ZNF324: variants seen among roughly 807,000 people sequenced by gnomAD.
ZNF324 encodes zinc finger protein 324A.
Under a neutral mutation model 10.3 loss-of-function variants are expected in ZNF324, and 3 were observed. The ratio of observed to expected loss-of-function variants is 0.29; its 90% CI spans 0.13 to 0.75. ZNF324 has a LOEUF of 0.75. ZNF324 is among the 30% of genes least tolerant of loss of function. The pLI, the probability that ZNF324 is intolerant of heterozygous loss-of-function variation, is 0.69. For synonymous variants in ZNF324, 430 were observed against 339.5 expected (o/e 1.27, Z -2.93); for missense variants, 763 against 784.4 (o/e 0.97, Z 0.33).
chr19:58,469,434 G>C, intron 2 of ZNF324, 128 bp downstream of exon 2: 3 of 1,287,912 alleles, frequency 2.3e-6, no homozygotes, highest in African/African-American at 1.5e-5. Context: ...GTGGAATAGG[G>C]GTCTGGTCCT....
intron 1 of ZNF324, among the ~76,000 whole-genome samples, chr19:58,467,926 G>T (rs1034554647): frequency 1.8e-4 from 28 of 151,944 alleles, no homozygotes; most frequent in Non-Finnish European, 3.5e-4. Context: ...TCCACCGTTT[G>T]TTGCGTGGAG....
Position 58,472,141 on chromosome 19 carries a change from C to T in ZNF324, c.1649C>T (p.Pro550Leu). ...TCGGGCCCAGCCGCCGTCTCGCAGC[C>T]AGCGGAGGTCTGAGGTCACAGGTTG... ...PASGPAAVSQ[P>L]AEV The change falls in exon 4 of 4, where the codon CCA becomes CTA. Residue 550 changes from proline (P) to leucine (L), a missense_variant. Physicochemically the swap from Pro to Leu is moderately conservative, Grantham distance 98. Around this residue, in one of 3 missense-constraint regions of ZNF324, gnomAD observed 231 missense variants for 196.0 expected, o/e 1.18. Transcript: ENST00000196482. 1.3e-6 allele frequency: 2 copies of T among 1,580,342 alleles called. No individual in the cohort carries two copies. The highest frequency in any genetic ancestry group is 1.7e-6 in the Non-Finnish European group (2 of 1,164,532).
At chr19:58,470,642 C>T in intron 3 of ZNF324, 89 bp from the exon 4 acceptor site, 3 of 1,533,450 alleles carry the variant, frequency 2.0e-6, no homozygotes, top group Non-Finnish European at 2.7e-6. Context: ...TGTGCCAGCT[C>T]CGGGGTTCCT....
At chr19:58,470,393 C>CGGGGGGAA (rs1017138803) in intron 3 of ZNF324, 1 of 270,952 alleles carries the variant, frequency 3.7e-6, no homozygotes, top group East Asian at 7.7e-5. Flanking sequence ...GGGACAGGGG[C>CGGGGGGAA]GGGGGGAAGG....
intron 3 of ZNF324, chr19:58,470,462 C>G: frequency 1.7e-6 from 1 of 591,564 alleles, no homozygotes; most frequent in Non-Finnish European, 3.1e-6. Flanking sequence ...ATGCAGCATA[C>G]AGCAGCCGCT....
rs543699538 is a variant in ZNF324 at position 58,469,836 on chromosome 19, G to T, written c.230G>T (p.Arg77Leu). 1.3e-6 allele frequency: 2 copies of T among 1,597,816 alleles called. No homozygotes were observed. Among genetic ancestry groups the T allele is most frequent in the East Asian group, 2.3e-5 (1 of 44,112 alleles). The change falls in exon 3 of 4, where the codon CGC becomes CTC. Residue 77 changes from arginine to leucine, a missense_variant. Arg to Leu is a moderately radical substitution (Grantham distance 102). This residue lies in a region of ZNF324 where 379 missense variants were observed against 319.4 expected (regional missense o/e 1.19). Transcript: ENST00000196482. ...TTLSRTTYRR[R>L]NPGSWSLTED... ...CTGTCCAGGACCACCTACAGGAGGC[G>T]CAACCCTGGTGAGAGGGAGCTCAGG...
intron 1 of ZNF324, chr19:58,467,648 A>G (rs937456444): frequency 2.0e-5 from 3 of 152,104 alleles, no homozygotes; most frequent in African/African-American, 7.2e-5. Context: ...TCCTGCGTCC[A>G]GGGCACTGGT....
Position 58,472,407 on chromosome 19 carries a change from C to G in ZNF324, c.*253C>G. ...CGTGGTGGCTGAACTCTAGTGGGGCCGAGACTATTCAGAGCCAGTAGGAGG... is the reference window on the plus strand; with the variant it reads ...CGTGGTGGCTGAACTCTAGTGGGGCGGAGACTATTCAGAGCCAGTAGGAGG... On this transcript the variant is annotated 3_prime_UTR_variant, in exon 4 of 4. Transcript: ENST00000196482. 1.9e-6 allele frequency: 1 copy of G among 525,976 alleles called. No individual in the cohort carries two copies. The highest frequency in any genetic ancestry group is 3.4e-6 in the Non-Finnish European group (1 of 296,004). The allele number at this position is 525,976 out of a possible 1,614,324, so 32.6% of individuals were successfully genotyped here.
At chr19:58,470,569 G>T (rs760218614) in intron 3 of ZNF324, 162 bp from the exon 4 acceptor site, 17 of 833,030 alleles carry the variant, frequency 2.0e-5, no homozygotes, top group African/African-American at 5.6e-5. Flanking sequence ...AGGGCAGATT[G>T]TTCCTCCAAA....
rs374713823 is a variant in ZNF324, at chr19:58,470,974, G to T, written c.482G>T (p.Arg161Leu). ...SGSGQASVSLRLTSPLRPPEG... is the reference protein window; with the variant it reads ...SGSGQASVSLLLTSPLRPPEG... Reference sequence around the variant, plus strand: ...AGTGGGCAAGCCAGCGTCAGCCTGCGACTGACCTCCCCGCTTAGGCCTCCC... The same window carrying T: ...AGTGGGCAAGCCAGCGTCAGCCTGCTACTGACCTCCCCGCTTAGGCCTCCC... The change falls in exon 4 of 4, where the codon CGA (arginine) becomes CTA (leucine). Residue 161 changes from arginine to leucine, a missense_variant. Physicochemically the swap from Arg to Leu is moderately radical, Grantham distance 102. Coordinates refer to ENST00000196482, the MANE Select transcript of ZNF324 (RefSeq NM_014347.3). The T allele has an allele frequency of 6.9e-5, 112 of 1,614,186 alleles. 1 individual carries two copies. The South Asian group carries it at 1.1e-3, about 15-fold the overall frequency.
At position 58,473,639 on chromosome 19, in the gene ZNF324, AACATACCCTG is replaced by A. The variant is rs1383305174; in HGVS notation, c.*1490_*1499del. Reference sequence around the variant, plus strand: ...CCCTCATACAATGCAGATGGTATTGAACATACCCTGACATGCCATCAGCGTTTGTCATCAT... The same window carrying A: ...CCCTCATACAATGCAGATGGTATTGAACATGCCATCAGCGTTTGTCATCAT... On this transcript the variant is annotated 3_prime_UTR_variant, in exon 4 of 4. Transcript: ENST00000196482. 1.3e-5 allele frequency: 2 copies of A among 152,236 alleles called. No individual in the cohort carries two copies. The highest frequency in any genetic ancestry group is 2.9e-5 in the Non-Finnish European group (2 of 68,044). The allele number at this position is 152,236 out of a possible 1,614,324, so 9.4% of individuals were successfully genotyped here.
In ZNF324 at chr19:58,473,414, G is replaced by GGAAA. The variant is rs1555790695; in HGVS notation, c.*1260_*1261insGAAA. ...AAGGAAATTCATGTTCTCCTTAATG[G>GGAAA]AAAAAAAAAAAAAAAGACTACCATC... On this transcript the variant is annotated 3_prime_UTR_variant, in exon 4 of 4. Coordinates refer to ENST00000196482, the MANE Select transcript of ZNF324 (RefSeq NM_014347.3). 4 of 119,242 alleles carry GGAAA rather than the reference G, an allele frequency of 3.4e-5. No homozygotes were observed. The highest frequency in any genetic ancestry group is 1.4e-4 in the African/African-American group (4 of 29,566). 7.4% of individuals were successfully genotyped at this position (119,242 alleles called of 1,614,324 possible).
At position 58,472,323 on chromosome 19, in the gene ZNF324, C is replaced by CCCACA; in HGVS notation, c.*170_*174dup. 1.4e-6 allele frequency: 1 copy of CCCACA among 699,168 alleles called. No homozygotes were observed. Among genetic ancestry groups the CCCACA allele is most frequent in the Non-Finnish European group, 2.3e-6 (1 of 432,556 alleles). The allele number at this position is 699,168 out of a possible 1,614,324, so 43.3% of individuals were successfully genotyped here. ...CGTGGGGACAGGATTTGCCAGTTCA[C>CCCACA]CCACAGATCACACCTCCATCCCCAA... On this transcript the variant is annotated 3_prime_UTR_variant, in exon 4 of 4. Transcript: ENST00000196482.
At chr19:58,470,387 CA>C (rs1437203242) in intron 3 of ZNF324, 9 of 347,172 alleles carry the variant, frequency 2.6e-5, no homozygotes, top group East Asian at 1.2e-4. Flanking sequence ...AGAAGGGGGA[CA>C]GGGGCGGGGG....
intron 1 of ZNF324, among the ~76,000 whole-genome samples, chr19:58,468,954 C>T (rs1391809660): frequency 6.6e-6 from 1 of 152,226 alleles, no homozygotes; most frequent in Non-Finnish European, 1.5e-5. Context: ...GTCCAACCCA[C>T]TGCCCAGGAT....
At position 58,472,279 on chromosome 19, in the gene ZNF324, G is replaced by C. The variant is rs1246160373; in HGVS notation, c.*125G>C. 1 of 1,083,066 alleles carries C rather than the reference G, an allele frequency of 9.2e-7. No homozygotes were observed. Among genetic ancestry groups the C allele is most frequent in the Non-Finnish European group, 1.3e-6 (1 of 780,918 alleles). The allele number at this position is 1,083,066 out of a possible 1,614,324, so 67.1% of individuals were successfully genotyped here. The stretch of plus-strand genomic sequence containing the variant: ...TAGTCAGGGACAAGGGAGGCCCTTT[G>C]GCTGTGATTTCATTTGCACGTGGGG... On this transcript the variant is annotated 3_prime_UTR_variant, in exon 4 of 4. Coordinates refer to ENST00000196482, the MANE Select transcript of ZNF324 (RefSeq NM_014347.3).
intron 3 of ZNF324, 86 bp from the exon 4 acceptor site, chr19:58,470,645 G>T (rs747879832): frequency 7.6e-5 from 117 of 1,547,352 alleles, no homozygotes; most frequent in South Asian, 1.0e-4. Flanking sequence ...GCCAGCTCCG[G>T]GGTTCCTTCT....
chr19:58,474,459 C>G lies in ZNF324; in HGVS notation c.*2305C>G, dbSNP rs1051362926. 2.6e-5 allele frequency: 4 copies of G among 152,292 alleles called. No individual in the cohort carries two copies. In the South Asian group the frequency reaches 6.2e-4, roughly 24 times the overall value. The allele number at this position is 152,292 out of a possible 1,614,324, so 9.4% of individuals were successfully genotyped here. A position where few individuals can be genotyped will look rare whatever the true frequency, so the allele number is the denominator to read the frequency against. Reference sequence around the variant, plus strand: ...CCTACCTTGTCTTCCCACCAGCCGCCTCCCTCCATCAAGTTCCTTTCCACG... The same window carrying G: ...CCTACCTTGTCTTCCCACCAGCCGCGTCCCTCCATCAAGTTCCTTTCCACG... On this transcript the variant is annotated 3_prime_UTR_variant, in exon 4 of 4. Transcript: ENST00000196482.
In ZNF324 at chr19:58,472,043, C is replaced by T. The variant is rs754269217; in HGVS notation, c.1551C>T (p.His517=). 6.2e-7 allele frequency: 1 copy of T among 1,606,380 alleles called. No individual in the cohort carries two copies. The highest frequency in any genetic ancestry group is 1.7e-5 in the Admixed American group (1 of 60,010). The change falls in exon 4 of 4, where the codon CAC becomes CAT. Residue 517 remains histidine, a synonymous_variant. Transcript: ENST00000196482. The part of the protein sequence containing the change: ...KTVRRSRASL[H]PQARSVAGAS... ...TCCGGCGATCCAGGGCCAGCCTGCA[C>T]CCCCAGGCCAGGTCTGTTGCCGGGG...
Sources: gnomAD v4.1 joint callset for allele counts (sites outside exome capture counted in the v4.1 genomes callset) on GRCh38, gnomAD v4.1.1 for gene constraint, gnomAD v4.1.1 regional missense constraint, MANE v1.5 for transcripts, NCBI Gene and HGNC (gene_info 2026-07-23, HGNC 2026-07-21) for gene names.